PTPRD: variants seen among roughly 807,000 people sequenced by gnomAD.
PTPRD encodes the protein protein tyrosine phosphatase receptor type D.
In PTPRD, 34 loss-of-function variants were observed where a neutral mutation model predicts 214.5. That is an observed-to-expected ratio of 0.16 (90% confidence interval 0.12 to 0.21). The LOEUF (loss-of-function observed/expected upper bound fraction) is 0.21. Ranked by LOEUF, PTPRD falls within the 10% of genes least tolerant of loss-of-function variation. PTPRD has a pLI of 1.00. For synonymous variants in PTPRD, 1,128 were observed against 845.7 expected, an observed-to-expected ratio of 1.33 and a Z score of -5.79; for missense variants, 2,545 against 2,398.7, an observed-to-expected ratio of 1.06 and a Z score of -1.27.
At chr9:8,628,841 G>T (rs968333386) in intron 14 of PTPRD, among the ~76,000 whole-genome samples, 7 of 151,664 alleles carry the variant, frequency 4.6e-5, no homozygotes, top group African/African-American at 1.7e-4. Context: ...TGCTAAACTA[G>T]GTAACTAAAA....
intron 14 of PTPRD, among the ~76,000 whole-genome samples, chr9:8,557,867 T>C (rs1428467132): frequency 1.3e-5 from 2 of 151,174 alleles, no homozygotes; most frequent in Non-Finnish European, 2.9e-5. Flanking sequence ...AATTTGTAGG[T>C]ATACATATCA....
chr9:9,345,852 A>G (rs979514143), intron 9 of PTPRD, among the ~76,000 whole-genome samples: 1 of 152,198 alleles, frequency 6.6e-6, no homozygotes, highest in African/African-American at 2.4e-5. Context: ...TAGATTAACA[A>G]ACATAAAGTG....
chr9:9,520,570 G>C (rs1417745302), intron 8 of PTPRD, among the ~76,000 whole-genome samples: 1 of 152,020 alleles, frequency 6.6e-6, no homozygotes, highest in East Asian at 1.9e-4. Context: ...TCGTTTGCTT[G>C]CTTCACAATA....
intron 11 of PTPRD, among the ~76,000 whole-genome samples, chr9:8,817,908 C>G (rs751463848): frequency 6.6e-6 from 1 of 152,090 alleles, no homozygotes. Context: ...AAATTTGGAT[C>G]AAATAAAACT....
intron 5 of PTPRD, among the ~76,000 whole-genome samples, chr9:9,833,982 C>G (rs1197757076): frequency 6.6e-6 from 1 of 151,932 alleles, no homozygotes; most frequent in Non-Finnish European, 1.5e-5. Context: ...GATATACATC[C>G]TCCTCAACTG....
intron 3 of PTPRD, among the ~76,000 whole-genome samples, chr9:10,302,348 A>T (rs2095887326): frequency 6.6e-6 from 1 of 152,192 alleles, no homozygotes; most frequent in Non-Finnish European, 1.5e-5. Context: ...CTATGAAGAA[A>T]CTACATCAAC....
chr9:10,264,678 T>C (rs545474428), intron 3 of PTPRD, among the ~76,000 whole-genome samples: 1 of 152,190 alleles, frequency 6.6e-6, no homozygotes, highest in South Asian at 2.1e-4. Context: ...GACTGTTGAG[T>C]TAATGCCGAA....
intron 5 of PTPRD, among the ~76,000 whole-genome samples, chr9:9,789,202 C>T (rs17232558): frequency 0.098 from 14,893 of 152,110 alleles, 868 homozygotes; most frequent in South Asian, 0.22. Context: ...CATGTTAAAA[C>T]GTTTCAGAAA....
intron 2 of PTPRD, among the ~76,000 whole-genome samples, chr9:10,603,346 C>T (rs2078455553): frequency 6.6e-6 from 1 of 151,842 alleles, no homozygotes; most frequent in Non-Finnish European, 1.5e-5. Flanking sequence ...CCCTGGGCAG[C>T]ACTTTTACAG....
intron 7 of PTPRD, among the ~76,000 whole-genome samples, chr9:9,650,957 T>C (rs1269319825): frequency 6.6e-6 from 1 of 152,020 alleles, no homozygotes; most frequent in Non-Finnish European, 1.5e-5. Context: ...GTATAAAACA[T>C]ATATTTATGA....
intron 27 of PTPRD, among the ~76,000 whole-genome samples, chr9:8,487,690 A>T (rs951750244): frequency 2.0e-5 from 3 of 152,134 alleles, no homozygotes; most frequent in African/African-American, 7.2e-5. Flanking sequence ...CATGCCTGTA[A>T]TCCCAGCTAC....
intron 2 of PTPRD, among the ~76,000 whole-genome samples, chr9:10,439,510 C>G (rs1180536067): frequency 6.6e-6 from 1 of 151,394 alleles, no homozygotes; most frequent in Non-Finnish European, 1.5e-5. Context: ...TGGTCTTGGA[C>G]ACATATTTAA....
chr9:10,413,838 G>C (rs2098461153), intron 2 of PTPRD, among the ~76,000 whole-genome samples: 1 of 151,918 alleles, frequency 6.6e-6, no homozygotes, highest in African/African-American at 2.4e-5. Flanking sequence ...CAACAAAGCT[G>C]ACAAAAACAA....
intron 12 of PTPRD, among the ~76,000 whole-genome samples, chr9:8,678,735 C>T (rs72700344): frequency 0.017 from 2,595 of 152,260 alleles, 26 homozygotes; most frequent in African/African-American, 0.024. Context: ...ATAGAACAAA[C>T]TCCCTTATGT....
intron 8 of PTPRD, among the ~76,000 whole-genome samples, chr9:9,554,412 T>C (rs903147937): frequency 6.6e-6 from 1 of 152,058 alleles, no homozygotes; most frequent in African/African-American, 2.4e-5. Flanking sequence ...TTTTATTTTT[T>C]TTTTTCTTTG....
intron 10 of PTPRD, among the ~76,000 whole-genome samples, chr9:9,081,095 G>C (rs575018456): frequency 1.3e-5 from 2 of 151,820 alleles, no homozygotes; most frequent in Admixed American, 1.3e-4. Flanking sequence ...TTAGGGTGTT[G>C]ATTTTAGATC....
chr9:10,111,960 G>A (rs1415462810), intron 3 of PTPRD, among the ~76,000 whole-genome samples: 1 of 152,196 alleles, frequency 6.6e-6, no homozygotes, highest in Admixed American at 6.5e-5. Flanking sequence ...TTTCAGCTAA[G>A]TCCAGCAGAT....
chr9:8,502,760 C>A (rs990213086), intron 23 of PTPRD, among the ~76,000 whole-genome samples: 3 of 151,512 alleles, frequency 2.0e-5, no homozygotes, highest in African/African-American at 7.3e-5. Flanking sequence ...ATATTCAACA[C>A]CATTTGAAAA....
At chr9:10,030,687 A>G (rs901278155) in intron 4 of PTPRD, among the ~76,000 whole-genome samples, 1 of 152,184 alleles carries the variant, frequency 6.6e-6, no homozygotes, top group Non-Finnish European at 1.5e-5. Flanking sequence ...TGGAGAATCT[A>G]TCCCATAGAA....
Sources: gnomAD v4.1 joint callset for allele counts (sites outside exome capture counted in the v4.1 genomes callset) on GRCh38, gnomAD v4.1.1 for gene constraint, MANE v1.5 for transcripts, NCBI Gene and HGNC (gene_info 2026-07-23, HGNC 2026-07-21) for gene names.